Variants in NOL4 observed in about 807,000 individuals in gnomAD.
NOL4 encodes the protein nucleolar protein 4.
In NOL4, 17 loss-of-function variants were observed where a neutral mutation model predicts 75.9. The ratio of observed to expected loss-of-function variants is 0.22; its 90% CI spans 0.15 to 0.34. The LOEUF (loss-of-function observed/expected upper bound fraction) is 0.34, where lower values mean the gene tolerates loss of function less well. NOL4 is among the 10% of genes least tolerant of loss of function. NOL4 has a pLI of 1.00. For synonymous variants in NOL4, 292 were observed against 289.9 expected (o/e 1.01, Z -0.07); for missense variants, 614 against 793.5 (o/e 0.77, Z 2.72).
intron 6 of NOL4, among the ~76,000 whole-genome samples, chr18:34,017,560 T>C (rs1238486597): frequency 6.6e-6 from 1 of 152,192 alleles, no homozygotes; most frequent in Non-Finnish European, 1.5e-5. Flanking sequence ...GATGTATTTG[T>C]CCTTCATAGG....
At chr18:34,145,452 T>C (rs1467628804) in intron 1 of NOL4, among the ~76,000 whole-genome samples, 2 of 146,880 alleles carry the variant, frequency 1.4e-5, no homozygotes, top group African/African-American at 5.0e-5. Flanking sequence ...AATGACATAA[T>C]ATAAAAGAGG....
At chr18:33,980,732 A>T (rs1024687918) in intron 6 of NOL4, among the ~76,000 whole-genome samples, 4 of 152,040 alleles carry the variant, frequency 2.6e-5, no homozygotes, top group Non-Finnish European at 5.9e-5. Context: ...TTACAAATAT[A>T]TTACTAAAGA....
At chr18:34,174,792 C>G (rs934952674) in intron 1 of NOL4, among the ~76,000 whole-genome samples, 2 of 152,114 alleles carry the variant, frequency 1.3e-5, no homozygotes, top group African/African-American at 4.8e-5. Flanking sequence ...ATTTTCTGTT[C>G]TTATGTGAGT....
intron 9 of NOL4, among the ~76,000 whole-genome samples, chr18:33,926,616 G>GTTTT (rs2067347233): frequency 6.6e-6 from 1 of 152,084 alleles, no homozygotes; most frequent in Non-Finnish European, 1.5e-5. Flanking sequence ...TTGTTTGTTT[G>GTTTT]TTTGAGACGG....
intron 2 of NOL4, among the ~76,000 whole-genome samples, chr18:34,123,325 C>T (rs185693590): frequency 1.3e-5 from 2 of 151,132 alleles, no homozygotes; most frequent in Admixed American, 6.6e-5. Context: ...TTAACTGTTT[C>T]CTTCTGAGAT....
At chr18:33,895,653 A>G (rs1400460789) in intron 9 of NOL4, among the ~76,000 whole-genome samples, 1 of 152,058 alleles carries the variant, frequency 6.6e-6, no homozygotes, top group Non-Finnish European at 1.5e-5. Context: ...ACATTTTTGG[A>G]ATAAGAAAAA....
intron 6 of NOL4, among the ~76,000 whole-genome samples, chr18:34,009,844 T>A (rs143132110): frequency 6.6e-6 from 1 of 151,940 alleles, no homozygotes; most frequent in African/African-American, 2.4e-5. Context: ...TATAATCATA[T>A]ATACAATTTC....
chr18:33,971,354 C>T (rs924546493), intron 6 of NOL4, among the ~76,000 whole-genome samples: 1 of 152,112 alleles, frequency 6.6e-6, no homozygotes, highest in Admixed American at 6.6e-5. Context: ...TTCTCTTTTC[C>T]TCCATTGTTT....
chr18:34,183,071 G>A (rs922723228), intron 1 of NOL4, among the ~76,000 whole-genome samples: 2 of 151,712 alleles, frequency 1.3e-5, no homozygotes, highest in African/African-American at 4.8e-5. Context: ...TAACAAAGAA[G>A]AAACTTCTGC....
intron 5 of NOL4, among the ~76,000 whole-genome samples, chr18:34,073,515 G>A (rs1020352550): frequency 2.6e-5 from 4 of 151,884 alleles, no homozygotes; most frequent in Admixed American, 2.6e-4. Flanking sequence ...CAAATGCTTT[G>A]TGAATACTTG....
chr18:33,894,764 T>C (rs550301746), intron 9 of NOL4, among the ~76,000 whole-genome samples: 3 of 152,270 alleles, frequency 2.0e-5, no homozygotes, highest in East Asian at 3.9e-4. Context: ...ATGTGGAGTA[T>C]ACTAAAGTTG....
chr18:34,055,004 A>G (rs1362847941), intron 5 of NOL4, among the ~76,000 whole-genome samples: 3 of 149,914 alleles, frequency 2.0e-5, no homozygotes, highest in Non-Finnish European at 4.4e-5. Flanking sequence ...TAAACAAATT[A>G]TAACATTTTA....
At chr18:34,184,863 T>G (rs2034331774) in intron 1 of NOL4, among the ~76,000 whole-genome samples, 1 of 152,106 alleles carries the variant, frequency 6.6e-6, no homozygotes, top group Non-Finnish European at 1.5e-5. Flanking sequence ...TTGTATAAAG[T>G]AAGTGGTGAA....
chr18:34,016,387 G>A (rs1322951199), intron 6 of NOL4, among the ~76,000 whole-genome samples: 2 of 151,562 alleles, frequency 1.3e-5, no homozygotes, highest in African/African-American at 4.8e-5. Flanking sequence ...CTGACCACAG[G>A]CTTTCTAAAA....
rs114313246 is a variant in NOL4, at chr18:33,904,980, G to T, written c.1543-21556C>A. 6.6e-3 allele frequency among the ~76,000 whole-genome samples: 1,012 copies of T among 152,230 alleles called. 10 individuals are homozygous for T. The highest frequency in any genetic ancestry group is 0.023 in the African/African-American group (951 of 41,540). ...AAGATAAACCACAGTCTAAAAAGAA[G>T]CATCAAAATTTTCAAAGAACTAATT... On this transcript the variant is annotated intron_variant, in intron 9 of 10. Transcript: ENST00000261592.
intron 1 of NOL4, among the ~76,000 whole-genome samples, chr18:34,190,939 G>A (rs974204973): frequency 6.6e-6 from 1 of 151,914 alleles, no homozygotes; most frequent in Non-Finnish European, 1.5e-5. Context: ...AAAATATTCT[G>A]ACACAGCCAA....
chr18:34,082,838 A>G (rs546405004), intron 5 of NOL4, among the ~76,000 whole-genome samples: 1 of 152,340 alleles, frequency 6.6e-6, no homozygotes, highest in Non-Finnish European at 1.5e-5. Flanking sequence ...ACATTGTTAC[A>G]CCATAACAAT....
intron 1 of NOL4, among the ~76,000 whole-genome samples, chr18:34,144,893 T>G (rs2081336165): frequency 6.6e-6 from 1 of 152,128 alleles, no homozygotes; most frequent in South Asian, 2.1e-4. Flanking sequence ...TTTCTGAGTT[T>G]CAAATTCAAC....
At chr18:34,008,775 C>A (rs561084469) in intron 6 of NOL4, among the ~76,000 whole-genome samples, 1 of 152,028 alleles carries the variant, frequency 6.6e-6, no homozygotes, top group South Asian at 2.1e-4. Context: ...ATTGCCTACA[C>A]CTTGCCTGAA....
Sources: gnomAD v4.1 joint callset for allele counts (sites outside exome capture counted in the v4.1 genomes callset) on GRCh38, gnomAD v4.1.1 for gene constraint, MANE v1.5 for transcripts, NCBI Gene and HGNC (gene_info 2026-07-23, HGNC 2026-07-21) for gene names.